CFAP97: variants seen among roughly 807,000 people sequenced by gnomAD.
CFAP97 encodes cilia- and flagella-associated protein 97.
A neutral mutation model predicts 43.1 loss-of-function variants in CFAP97; 36 were observed. The observed-to-expected ratio is 0.84, with a 90% CI of 0.64 to 1.10. The LOEUF (loss-of-function observed/expected upper bound fraction) is 1.10, where lower values mean the gene tolerates loss of function less well. Ranked by LOEUF, CFAP97 falls within the 50% of genes least tolerant of loss-of-function variation. The probability of loss-of-function intolerance (pLI) is 0.00; values close to 1 mark genes in which losing one functional copy is unlikely to be tolerated. For synonymous variants in CFAP97, 228 were observed against 225.7 expected (o/e 1.01, Z -0.09); for missense variants, 657 against 620.3 (o/e 1.06, Z -0.63).
Position 185,190,911 on chromosome 4 carries a change from C to A in CFAP97, c.286G>T (p.Ala96Ser), listed in dbSNP as rs771182484. ...TQTVSSFSLPASSRSKKLCDV... is the reference protein window; with the variant it reads ...TQTVSSFSLPSSSRSKKLCDV... ...CACAATTTTTTTGATCTTGAAGAGG[C>A]TGGCAATGAGAAAGAACTTACAGTT... Residue 96 changes from alanine to serine, a missense_variant, in exon 2 of 5, where the codon GCC becomes TCC. Transcript: ENST00000458385. 5 of 1,613,552 alleles carry A rather than the reference C, an allele frequency of 3.1e-6. No individual in the cohort carries two copies. The South Asian group carries it at 3.3e-5, about 11-fold the overall frequency.
chr4:185,162,631 CG>C lies in CFAP97; in HGVS notation c.*166del, dbSNP rs1734910592. On this transcript the variant is annotated 3_prime_UTR_variant, in exon 5 of 5. Transcript: ENST00000458385. ...TCAGGAAACACTTTTTACATTAAAT[CG>C]TTTTTTGACAATAATTTTGCACTGA... 1.5e-6 allele frequency: 1 copy of C among 675,164 alleles called. No homozygotes were observed. The highest frequency in any genetic ancestry group is 4.2e-4 in the Middle Eastern group (1 of 2,384). 41.8% of individuals were successfully genotyped at this position (675,164 alleles called of 1,614,324 possible). A position where few individuals can be genotyped will look rare whatever the true frequency, so the allele number is the denominator to read the frequency against.
chr4:185,172,308 T>C (rs1735334776), intron 3 of CFAP97, among the ~76,000 whole-genome samples: 2 of 152,220 alleles, frequency 1.3e-5, no homozygotes, highest in African/African-American at 2.4e-5. Context: ...TATCTACCTA[T>C]TGAAACAAAT....
chr4:185,160,492 T>C lies in CFAP97; in HGVS notation c.*2306A>G, dbSNP rs923046104. 2.0e-5 allele frequency: 3 copies of C among 152,138 alleles called. No individual in the cohort carries two copies. Among genetic ancestry groups the C allele is most frequent in the Admixed American group, 6.5e-5 (1 of 15,268 alleles). 9.4% of individuals were successfully genotyped at this position (152,138 alleles called of 1,614,324 possible). A position where few individuals can be genotyped will look rare whatever the true frequency, so the allele number is the denominator to read the frequency against. On this transcript the variant is annotated 3_prime_UTR_variant, in exon 5 of 5. Transcript: ENST00000458385. ...TGTCCCTTAAACTATAACAACTTCA[T>C]AGCATCTTGACTTAGAATATACCAC... is the stretch of plus-strand genomic sequence containing the variant.
chr4:185,182,141 G>A (rs1735815763), intron 2 of CFAP97: 1 of 151,816 alleles, frequency 6.6e-6, no homozygotes, highest in South Asian at 2.1e-4. Flanking sequence ...TCTTTTTAAA[G>A]TGACCTAATT....
At chr4:185,166,838 T>C (rs1467863503) in intron 3 of CFAP97, among the ~76,000 whole-genome samples, 4 of 152,196 alleles carry the variant, frequency 2.6e-5, no homozygotes, top group Admixed American at 1.3e-4. Context: ...AATATCAAAA[T>C]ACAAAGTGTT....
chr4:185,190,623 C>T lies in CFAP97; in HGVS notation c.574G>A (p.Gly192Arg). ...SGSGTDCLDAGSDSHLSDSSP... is the reference protein window; with the variant it reads ...SGSGTDCLDARSDSHLSDSSP... ...GAATCAGATAGATGGCTATCAGACC[C>T]TGCATCTAAACAATCTGTACCTGAA... Residue 192 changes from glycine (G) to arginine (R), a missense_variant, in exon 2 of 5, where the codon GGG (glycine) becomes AGG (arginine). Transcript: ENST00000458385. 1 of 1,599,976 alleles carries T rather than the reference C, an allele frequency of 6.3e-7. No homozygotes were observed. The highest frequency in any genetic ancestry group is 8.5e-7 in the Non-Finnish European group (1 of 1,172,674).
At chr4:185,166,940 G>C (rs1735093488) in intron 3 of CFAP97, among the ~76,000 whole-genome samples, 1 of 152,080 alleles carries the variant, frequency 6.6e-6, no homozygotes, top group South Asian at 2.1e-4. Flanking sequence ...ATGCGGCCCA[G>C]CGCAAATTCA....
intron 1 of CFAP97, among the ~76,000 whole-genome samples, chr4:185,192,867 A>T (rs1736350056): frequency 6.7e-6 from 1 of 149,992 alleles, no homozygotes; most frequent in Non-Finnish European, 1.5e-5. Context: ...CAGCCTCCCG[A>T]GTAGCTGGGA....
rs1444792987 is a variant in CFAP97, at chr4:185,160,927, A to G, written c.*1871T>C. On this transcript the variant is annotated 3_prime_UTR_variant, in exon 5 of 5. Transcript: ENST00000458385. ...TTATATATATAAAAAGATTATATAT[A>G]TAAAACATATATATATATTTTTTTC... 2.0e-5 allele frequency: 3 copies of G among 147,522 alleles called. No individual in the cohort carries two copies. Among genetic ancestry groups the G allele is most frequent in the Non-Finnish European group, 3.0e-5 (2 of 66,822 alleles). 9.1% of individuals were successfully genotyped at this position (147,522 alleles called of 1,614,324 possible). A position where few individuals can be genotyped will look rare whatever the true frequency, so the allele number is the denominator to read the frequency against.
At position 185,162,795 on chromosome 4, in the gene CFAP97, G is replaced by A. The variant is rs1379086390; in HGVS notation, c.*3C>T. 2.5e-6 allele frequency: 4 copies of A among 1,612,096 alleles called. No individual in the cohort carries two copies. Among genetic ancestry groups the A allele is most frequent in the Non-Finnish European group, 3.4e-6 (4 of 1,179,190 alleles). ...TGAACAATGTTTAAAGTAAAAAAGT[G>A]TTTTATAACCAAGCTGTACGGACAT... On this transcript the variant is annotated 3_prime_UTR_variant, in exon 5 of 5. Transcript: ENST00000458385.
At chr4:185,184,556 T>C (rs1735934217) in intron 2 of CFAP97, among the ~76,000 whole-genome samples, 1 of 152,060 alleles carries the variant, frequency 6.6e-6, no homozygotes, top group African/African-American at 2.4e-5. Flanking sequence ...GCTGCAGACA[T>C]CTCCTAGCAG....
intron 1 of CFAP97, among the ~76,000 whole-genome samples, chr4:185,196,668 C>A (rs756582439): frequency 1.3e-5 from 2 of 151,974 alleles, no homozygotes; most frequent in Non-Finnish European, 2.9e-5. Context: ...TACTATGATA[C>A]ATAAAGATGG....
At chr4:185,193,755 G>C (rs1736411052) in intron 1 of CFAP97, among the ~76,000 whole-genome samples, 1 of 152,028 alleles carries the variant, frequency 6.6e-6, no homozygotes, top group East Asian at 1.9e-4. Context: ...TATGTAATCT[G>C]TATCCTAAAC....
Position 185,191,142 on chromosome 4 carries a change from T to C in CFAP97, c.55A>G (p.Ser19Gly). 3.1e-6 allele frequency: 5 copies of C among 1,607,232 alleles called. No homozygotes were observed. The highest frequency in any genetic ancestry group is 3.4e-6 in the Non-Finnish European group (4 of 1,177,784). Residue 19 changes from serine to glycine, a missense_variant, in exon 2 of 5, where the codon AGT becomes GGT. Transcript: ENST00000458385. ...CATTTCTTTCCTTCTTCAAAGTCACTGTCAAAGAAAGAATGGTCCACTTCA... is the reference window on the plus strand; with the variant it reads ...CATTTCTTTCCTTCTTCAAAGTCACCGTCAAAGAAAGAATGGTCCACTTCA... Reference protein sequence around the residue: ...EGEVDHSFFDSDFEEGKKCET... With the variant: ...EGEVDHSFFDGDFEEGKKCET...
chr4:185,187,883 GA>G (rs1433222907), intron 2 of CFAP97, among the ~76,000 whole-genome samples: 1 of 152,068 alleles, frequency 6.6e-6, no homozygotes, highest in Non-Finnish European at 1.5e-5. Flanking sequence ...CAATAACAAG[GA>G]ATTCAGATAT....
At chr4:185,175,312 G>A (rs1443303181) in intron 3 of CFAP97, among the ~76,000 whole-genome samples, 1 of 151,566 alleles carries the variant, frequency 6.6e-6, no homozygotes, top group Admixed American at 6.6e-5. Flanking sequence ...TGTTGCCCAG[G>A]CTGGAGTCCA....
intron 1 of CFAP97, 71 bp downstream of exon 1, chr4:185,203,827 G>A (rs1560880258): frequency 1.3e-5 from 2 of 152,008 alleles, no homozygotes. Flanking sequence ...CGGGGAGACG[G>A]ATGCGAACGG....
chr4:185,205,183 C>A (rs573765477), upstream of CFAP97, among the ~76,000 whole-genome samples: 1 of 152,368 alleles, frequency 6.6e-6, no homozygotes, highest in South Asian at 2.1e-4. Context: ...TGGCTGGGCG[C>A]AGTGGCTCAC....
chr4:185,170,496 A>C (rs1735255406), intron 3 of CFAP97, among the ~76,000 whole-genome samples: 1 of 151,920 alleles, frequency 6.6e-6, no homozygotes, highest in Admixed American at 6.6e-5. Flanking sequence ...TCCCGGGTTC[A>C]AGTGAGTCTC....
Sources: allele counts gnomAD v4.1 joint callset (sites outside exome capture counted in the v4.1 genomes callset), GRCh38; gene constraint gnomAD v4.1.1; transcripts MANE v1.5; gene names NCBI Gene and HGNC (gene_info 2026-07-23, HGNC 2026-07-21).